ABTB3: variants seen among roughly 807,000 people sequenced by gnomAD.
ABTB3 encodes the protein ankyrin repeat- and BTB/POZ domain-containing protein 3.
chr12:107,456,257 C>G, the ABTB3 span, among the ~76,000 whole-genome samples: 1 of 152,178 alleles, frequency 6.6e-6, no homozygotes, highest in African/African-American at 2.4e-5. Context: ...GTCCCCAACC[C>G]CTGAGCTATG....
chr12:107,463,092 G>GTGA, the ABTB3 span, among the ~76,000 whole-genome samples: 1 of 151,602 alleles, frequency 6.6e-6, no homozygotes, highest in African/African-American at 2.4e-5. Flanking sequence ...GGTAGTGACA[G>GTGA]TGATGATGAT....
the ABTB3 span, among the ~76,000 whole-genome samples, chr12:107,531,543 G>A: frequency 2.6e-5 from 4 of 152,064 alleles, no homozygotes; most frequent in Non-Finnish European, 5.9e-5. Flanking sequence ...CAATCATCCA[G>A]CAATGTCTCC....
the ABTB3 span, among the ~76,000 whole-genome samples, chr12:107,447,832 C>T: frequency 2.0e-5 from 3 of 152,154 alleles, no homozygotes; most frequent in African/African-American, 7.2e-5. Flanking sequence ...AAGCTAAATA[C>T]ATAATTTTGA....
the ABTB3 span, among the ~76,000 whole-genome samples, chr12:107,460,875 A>T: frequency 6.6e-6 from 1 of 152,202 alleles, no homozygotes; most frequent in Non-Finnish European, 1.5e-5. Flanking sequence ...GTCCCCCTGG[A>T]ACCTCAGAAT....
At chr12:107,633,357 A>C in the ABTB3 span, among the ~76,000 whole-genome samples, 1 of 152,170 alleles carries the variant, frequency 6.6e-6, no homozygotes, top group Non-Finnish European at 1.5e-5. Flanking sequence ...TGAGAAATAA[A>C]TTTCTGCACT....
the ABTB3 span, among the ~76,000 whole-genome samples, chr12:107,387,162 G>C: frequency 2.6e-5 from 4 of 151,980 alleles, no homozygotes; most frequent in African/African-American, 9.7e-5. Context: ...ATTTTTAGTA[G>C]AGACAGGGTT....
chr12:107,369,179 A>C, the ABTB3 span, among the ~76,000 whole-genome samples: 2 of 152,054 alleles, frequency 1.3e-5, no homozygotes, highest in African/African-American at 4.8e-5. Context: ...CCATGCCCTA[A>C]GTTCACAAAG....
the ABTB3 span, among the ~76,000 whole-genome samples, chr12:107,366,617 T>C: frequency 6.6e-6 from 1 of 152,146 alleles, no homozygotes; most frequent in African/African-American, 2.4e-5. Flanking sequence ...TTAGTGAAAA[T>C]GCAGCTTTAA....
chr12:107,620,116 C>T, the ABTB3 span: 38 of 1,614,038 alleles, frequency 2.4e-5, no homozygotes, highest in Middle Eastern at 4.9e-4. Context: ...CGGAGGAGCT[C>T]GTTACCCAAG....
At chr12:107,388,163 T>C in the ABTB3 span, among the ~76,000 whole-genome samples, 1 of 151,684 alleles carries the variant, frequency 6.6e-6, no homozygotes, top group Non-Finnish European at 1.5e-5. Context: ...GTAGAGACGA[T>C]GTTTCACCAT....
At chr12:107,395,914 T>C in the ABTB3 span, among the ~76,000 whole-genome samples, 1 of 152,354 alleles carries the variant, frequency 6.6e-6, no homozygotes, top group African/African-American at 2.4e-5. Context: ...CATAGTATCG[T>C]GTGGTGAGCA....
At chr12:107,521,930 A>G in the ABTB3 span, among the ~76,000 whole-genome samples, 2 of 152,078 alleles carry the variant, frequency 1.3e-5, no homozygotes, top group African/African-American at 4.8e-5. Context: ...GTCTTAGTCA[A>G]CTTGGGCCAC....
chr12:107,640,292 T>A, the ABTB3 span: 2 of 1,432,166 alleles, frequency 1.4e-6, no homozygotes. Flanking sequence ...GCTACCTTTT[T>A]TTCCCTTTCC....
At chr12:107,527,510 A>G in the ABTB3 span, among the ~76,000 whole-genome samples, 1 of 151,974 alleles carries the variant, frequency 6.6e-6, no homozygotes, top group Middle Eastern at 3.2e-3. Flanking sequence ...GAGCTCGAGC[A>G]TTCTGCCCAC....
chr12:107,562,640 A>C, the ABTB3 span, among the ~76,000 whole-genome samples: 1 of 152,240 alleles, frequency 6.6e-6, no homozygotes, highest in Non-Finnish European at 1.5e-5. Flanking sequence ...CAAGAAGCTC[A>C]GTACATTTTT....
At chr12:107,436,959 C>A in the ABTB3 span, among the ~76,000 whole-genome samples, 4 of 152,154 alleles carry the variant, frequency 2.6e-5, no homozygotes, top group East Asian at 5.8e-4. Flanking sequence ...CATCCCCCCC[C>A]GCCGCACCTG....
the ABTB3 span, among the ~76,000 whole-genome samples, chr12:107,578,656 T>C: frequency 6.6e-6 from 1 of 152,114 alleles, no homozygotes; most frequent in African/African-American, 2.4e-5. Flanking sequence ...ATGGAGACAC[T>C]GTGACAAAAA....
chr12:107,421,339 A>G, the ABTB3 span, among the ~76,000 whole-genome samples: 1 of 152,180 alleles, frequency 6.6e-6, no homozygotes, highest in East Asian at 1.9e-4. Context: ...TCCTTTAAAT[A>G]CCCACAGCAC....
the ABTB3 span, among the ~76,000 whole-genome samples, chr12:107,653,872 A>G: frequency 6.6e-6 from 1 of 152,214 alleles, no homozygotes; most frequent in Non-Finnish European, 1.5e-5. Flanking sequence ...TGCAAGTATC[A>G]CTACCGTTCA....
Sources: allele counts gnomAD v4.1 joint callset (sites outside exome capture counted in the v4.1 genomes callset), GRCh38; gene constraint gnomAD v4.1.1; transcripts MANE v1.5; gene names NCBI Gene and HGNC (gene_info 2026-07-23, HGNC 2026-07-21).